NFKB1: variants seen among roughly 807,000 people sequenced by gnomAD.
The protein encoded by NFKB1 is nuclear factor NF-kappa-B p105 subunit.
A neutral mutation model predicts 105.1 loss-of-function variants in NFKB1; 9 were observed. That is an observed-to-expected ratio of 0.09 (90% CI 0.05 to 0.15). The LOEUF (loss-of-function observed/expected upper bound fraction) is 0.15. NFKB1 is among the 10% of genes least tolerant of loss of function. The probability of loss-of-function intolerance (pLI) is 1.00; values close to 1 mark genes in which losing one functional copy is unlikely to be tolerated. For synonymous variants in NFKB1, 440 were observed against 442.2 expected, an observed-to-expected ratio of 1.00 and a Z score of 0.06; for missense variants, 830 against 1,203.7, an observed-to-expected ratio of 0.69 and a Z score of 4.59.
intron 5 of NFKB1, among the ~76,000 whole-genome samples, chr4:102,538,938 T>C (rs983720028): frequency 6.6e-6 from 1 of 151,936 alleles, no homozygotes; most frequent in African/African-American, 2.4e-5. Flanking sequence ...CTCAGCAAAG[T>C]TGTGATGTAA....
intron 2 of NFKB1, among the ~76,000 whole-genome samples, chr4:102,526,036 A>T (rs1740888771): frequency 6.6e-6 from 1 of 151,912 alleles, no homozygotes; most frequent in African/African-American, 2.4e-5. Context: ...CTCCATTGTC[A>T]CGTGCGCTTC....
intron 5 of NFKB1, among the ~76,000 whole-genome samples, chr4:102,550,937 A>G (rs1722525342): frequency 6.6e-6 from 1 of 152,154 alleles, no homozygotes; most frequent in Non-Finnish European, 1.5e-5. Context: ...TTTCATTTAT[A>G]TGAGATTAAC....
At chr4:102,613,919 G>A (rs1208174211) in intron 23 of NFKB1, among the ~76,000 whole-genome samples, 1 of 152,034 alleles carries the variant, frequency 6.6e-6, no homozygotes, top group Non-Finnish European at 1.5e-5. Context: ...TTCTTCCTTT[G>A]CCTCCTCTCT....
chr4:102,592,624 T>TA (rs1726267042), intron 11 of NFKB1, among the ~76,000 whole-genome samples: 1 of 152,226 alleles, frequency 6.6e-6, no homozygotes, highest in Non-Finnish European at 1.5e-5. Context: ...AGTGTAAACA[T>TA]AATTTTTTTG....
intron 14 of NFKB1, among the ~76,000 whole-genome samples, chr4:102,597,273 T>A (rs1726695568): frequency 6.6e-6 from 1 of 152,214 alleles, no homozygotes; most frequent in African/African-American, 2.4e-5. Flanking sequence ...ATTTCTAAAC[T>A]TTTTTCCTCT....
chr4:102,607,799 G>A, intron 19 of NFKB1, 48 bp downstream of exon 19: 1 of 1,545,988 alleles, frequency 6.5e-7, no homozygotes, highest in Non-Finnish European at 8.9e-7. Flanking sequence ...TACCAGGAAT[G>A]CAAACCCAAC....
chr4:102,527,294 A>T (rs1740984435), intron 2 of NFKB1, among the ~76,000 whole-genome samples: 1 of 152,206 alleles, frequency 6.6e-6, no homozygotes, highest in African/African-American at 2.4e-5. Flanking sequence ...TTGGAGGAAG[A>T]GCAGAGTTAC....
intron 5 of NFKB1, among the ~76,000 whole-genome samples, chr4:102,544,586 C>T (rs1278892120): frequency 1.3e-5 from 2 of 152,110 alleles, no homozygotes; most frequent in African/African-American, 4.8e-5. Flanking sequence ...AAACTCCCTC[C>T]CATATGTAAC....
At position 102,607,332 on chromosome 4, in the gene NFKB1, C is replaced by T; in HGVS notation, c.2124+13C>T. 6.2e-7 allele frequency: 1 copy of T among 1,600,090 alleles called. No individual in the cohort carries two copies. The highest frequency in any genetic ancestry group is 8.5e-7 in the Non-Finnish European group (1 of 1,172,312). ...CCTGCTCCTGGAGGTGAAGGGCACA[C>T]TTATTTGCTTTTGCATTAAATTTCT... is the stretch of plus-strand genomic sequence containing the variant. On this transcript the variant is annotated intron_variant, in intron 18 of 23. Coordinates refer to ENST00000226574, the MANE Select transcript of NFKB1 (RefSeq NM_003998.4).
chr4:102,577,098 G>A, intron 7 of NFKB1, 59 bp downstream of exon 7: 1 of 1,530,912 alleles, frequency 6.5e-7, no homozygotes, highest in Non-Finnish European at 8.8e-7. Flanking sequence ...GTTTTCATCT[G>A]TATGAATTAT....
chr4:102,609,364 C>T (rs901187538), intron 19 of NFKB1, among the ~76,000 whole-genome samples: 3 of 151,938 alleles, frequency 2.0e-5, no homozygotes, highest in Non-Finnish European at 4.4e-5. Context: ...GTAATCCCAG[C>T]ACTTTGGGAG....
At chr4:102,560,706 A>T (rs542528176) in intron 5 of NFKB1, among the ~76,000 whole-genome samples, 89 of 152,316 alleles carry the variant, frequency 5.8e-4, no homozygotes, top group African/African-American at 1.9e-3. Context: ...TCTTGGCTGT[A>T]TGACTTTGGG....
intron 5 of NFKB1, among the ~76,000 whole-genome samples, chr4:102,557,922 G>A (rs1303372949): frequency 6.6e-6 from 1 of 151,982 alleles, no homozygotes; most frequent in Non-Finnish European, 1.5e-5. Context: ...AGCAACCAGA[G>A]CCCCCAGCCA....
At chr4:102,574,375 G>A (rs230539) in intron 6 of NFKB1, among the ~76,000 whole-genome samples, 109,845 of 152,066 alleles carry the variant, frequency 0.72, 41,034 homozygotes, top group African/African-American at 0.92. Flanking sequence ...ATGTGTTACA[G>A]TAATTTTTCT....
intron 12 of NFKB1, among the ~76,000 whole-genome samples, chr4:102,594,417 T>C (rs926187410): frequency 1.3e-5 from 2 of 152,242 alleles, no homozygotes; most frequent in Non-Finnish European, 2.9e-5. Flanking sequence ...TAATGCCATC[T>C]GTTTTCCCAA....
intron 11 of NFKB1, among the ~76,000 whole-genome samples, chr4:102,591,755 A>G (rs940919039): frequency 2.6e-5 from 4 of 152,244 alleles, no homozygotes; most frequent in African/African-American, 9.6e-5. Flanking sequence ...CATGGCTACT[A>G]ACAGCCATTC....
intron 17 of NFKB1, 58 bp from the exon 18 acceptor site, chr4:102,607,090 AAG>A: frequency 6.4e-7 from 1 of 1,551,116 alleles, no homozygotes; most frequent in Non-Finnish European, 8.9e-7. Flanking sequence ...TCAGCTTCAC[AAG>A]GGCCATCTTG....
intron 1 of NFKB1, among the ~76,000 whole-genome samples, chr4:102,524,285 T>G (rs80023293): frequency 0.012 from 1,790 of 152,304 alleles, 102 homozygotes; most frequent in Admixed American, 0.094. Context: ...TAATAGAAGA[T>G]TGCTAGGGCC....
At chr4:102,591,852 G>A (rs1374366088) in intron 11 of NFKB1, among the ~76,000 whole-genome samples, 2 of 152,228 alleles carry the variant, frequency 1.3e-5, no homozygotes, top group African/African-American at 4.8e-5. Context: ...GCCGTAGATA[G>A]TGATTACTCT....
Sources: allele counts gnomAD v4.1 joint callset (sites outside exome capture counted in the v4.1 genomes callset), GRCh38; gene constraint gnomAD v4.1.1; transcripts MANE v1.5; gene names NCBI Gene and HGNC (gene_info 2026-07-23, HGNC 2026-07-21).